The following ANK3 variants were observed in gnomAD, a reference collection of about 807,000 sequenced individuals.
ANK3 encodes the protein ankyrin 3, also known as ankyrin-3.
ANK3 carries 57 observed loss-of-function variants against 370.9 expected under a neutral mutation model. That is an observed-to-expected ratio of 0.15 (90% CI 0.12 to 0.19). ANK3 has a LOEUF of 0.19. ANK3 is among the 10% of genes least tolerant of loss of function. The pLI, the probability that ANK3 is intolerant of heterozygous loss-of-function variation, is 1.00. For synonymous variants in ANK3, 1,929 were observed against 1,946.3 expected, an observed-to-expected ratio of 0.99 and a Z score of 0.23; for missense variants, 4,439 against 5,302.1, an observed-to-expected ratio of 0.84 and a Z score of 5.06.
rs117006554 is a variant in ANK3 at position 60,193,212 on chromosome 10, G to A, written c.1887+2933C>T. Among the ~76,000 whole-genome samples the A allele has an allele frequency of 1.0e-3, 156 of 152,308 alleles. No individual in the cohort carries two copies. In the East Asian group the frequency reaches 0.02, roughly 19 times the overall value. ...TATAAAAATATGCCTGAGGCTAATG[G>A]AATGTTATAAAGAATTATTTAAAGG... On this transcript the variant is annotated intron_variant, in intron 16 of 43. Transcript: ENST00000280772.
At chr10:60,084,495 A>G in intron 32 of ANK3, 107 bp downstream of exon 32, 1 of 688,308 alleles carries the variant, frequency 1.5e-6, no homozygotes, top group Non-Finnish European at 2.3e-6. Context: ...TAAAAGTAAA[A>G]TCAATAATGC....
intron 1 of ANK3, among the ~76,000 whole-genome samples, chr10:60,642,995 C>T (rs2078657354): frequency 6.6e-6 from 1 of 152,106 alleles, no homozygotes; most frequent in Non-Finnish European, 1.5e-5. Context: ...GCATTATTTT[C>T]ACTCTTATAT....
chr10:60,104,778 G>A (rs2132082173), intron 28 of ANK3, among the ~76,000 whole-genome samples: 1 of 152,150 alleles, frequency 6.6e-6, no homozygotes, highest in South Asian at 2.1e-4. Flanking sequence ...CAAATATAAT[G>A]GTGATAATAA....
intron 2 of ANK3, among the ~76,000 whole-genome samples, chr10:60,513,204 G>A (rs11598780): frequency 6.6e-6 from 1 of 152,080 alleles, no homozygotes; most frequent in Non-Finnish European, 1.5e-5. Context: ...TTGATCCATA[G>A]GTTATGTTCA....
rs36033791 is a variant in ANK3 at position 60,141,561 on chromosome 10, G to GTT, written c.2615-2476_2615-2475dup. Reference sequence around the variant, plus strand: ...CACTGGAGAGGCCATTTCAATTGCTGTTTTTTTTTTTTTTTTTTTTTTTTT... The same window carrying GTT: ...CACTGGAGAGGCCATTTCAATTGCTGTTTTTTTTTTTTTTTTTTTTTTTTTTT... On this transcript the variant is annotated intron_variant, in intron 23 of 43. Coordinates refer to ENST00000280772, the MANE Select transcript of ANK3 (RefSeq NM_020987.5). 8.3e-3 allele frequency among the ~76,000 whole-genome samples: 407 copies of GTT among 48,886 alleles called. 18 individuals are homozygous for GTT. The highest frequency in any genetic ancestry group is 0.067 in the East Asian group (112 of 1,662). The allele number at this position is 48,886 out of a possible 152,430, so 32.1% of individuals were successfully genotyped here.
At chr10:60,282,327 T>C (rs1271458180) in intron 1 of ANK3, among the ~76,000 whole-genome samples, 1 of 152,160 alleles carries the variant, frequency 6.6e-6, no homozygotes, top group Non-Finnish European at 1.5e-5. Context: ...GATTTAATAA[T>C]TCCATACACT....
Position 60,080,550 on chromosome 10 carries a change from A to C in ANK3, c.4419T>G (p.Thr1473=). The change falls in exon 36 of 44, where the codon ACT becomes ACG. Residue 1473 remains threonine (T), a synonymous_variant. Coordinates refer to ENST00000280772, the MANE Select transcript of ANK3 (RefSeq NM_020987.5). The part of the protein sequence containing the change: ...LALRKRYSYL[T]EPGMIERSTG... ...TAGGAAACTCACTCATTCCAGGCTC[A>C]GTCAAGTAGCTGTAGCGCTTACGTA... 6.2e-7 allele frequency: 1 copy of C among 1,612,638 alleles called. No individual in the cohort carries two copies. Among genetic ancestry groups the C allele is most frequent in the African/African-American group, 1.3e-5 (1 of 74,930 alleles).
At chr10:60,306,077 T>C (rs2045000512) in intron 1 of ANK3, among the ~76,000 whole-genome samples, 1 of 152,048 alleles carries the variant, frequency 6.6e-6, no homozygotes, top group Admixed American at 6.6e-5. Flanking sequence ...ATTTCAATGG[T>C]TTTTGGAGTA....
At chr10:60,276,984 C>T (rs1339825902) in intron 4 of ANK3, among the ~76,000 whole-genome samples, 1 of 152,186 alleles carries the variant, frequency 6.6e-6, no homozygotes, top group South Asian at 2.1e-4. Flanking sequence ...AATTTTACAT[C>T]ATTCCTTTCT....
At chr10:60,577,168 G>C (rs1421084965) in intron 2 of ANK3, among the ~76,000 whole-genome samples, 1 of 152,096 alleles carries the variant, frequency 6.6e-6, no homozygotes, top group Non-Finnish European at 1.5e-5. Flanking sequence ...GGAATAGGTG[G>C]CCATTCTTCT....
chr10:60,068,811 C>G lies in ANK3; in HGVS notation c.12070G>C (p.Glu4024Gln), dbSNP rs377041799. 4.3e-6 allele frequency: 7 copies of G among 1,614,210 alleles called. No homozygotes were observed. The highest frequency in any genetic ancestry group is 5.9e-6 in the Non-Finnish European group (7 of 1,180,028). Residue 4024 changes from glutamate (E) to glutamine (Q), a missense_variant, in exon 37 of 44, where the codon GAG (glutamate) becomes CAG (glutamine). Physicochemically the swap from Glu to Gln is conservative, Grantham distance 29 (BLOSUM62 2). Transcript: ENST00000280772. Reference protein sequence around the residue: ...LSEEEKKMQSELSDEEESTSR... With the variant: ...LSEEEKKMQSQLSDEEESTSR... Reference sequence around the variant, plus strand: ...GTACTTTCTTCCTCATCGGACAACTCGGACTGCATCTTTTTTTCTTCTTCA... The same window carrying G: ...GTACTTTCTTCCTCATCGGACAACTGGGACTGCATCTTTTTTTCTTCTTCA...
intron 1 of ANK3, among the ~76,000 whole-genome samples, chr10:60,678,562 AATT>A (rs1408176321): frequency 9.9e-5 from 15 of 152,214 alleles, no homozygotes; most frequent in Non-Finnish European, 1.8e-4. Context: ...ATGCTTCAAA[AATT>A]ATTTACTAGA....
chr10:60,108,573 G>A (rs1350356332), intron 27 of ANK3, among the ~76,000 whole-genome samples: 2 of 151,926 alleles, frequency 1.3e-5, no homozygotes, highest in African/African-American at 4.8e-5. Context: ...GGACCACTGG[G>A]GTTCCGTGCA....
At position 60,072,691 on chromosome 10, in the gene ANK3, A is replaced by C; in HGVS notation, c.8190T>G (p.Ser2730Arg). 1 of 1,613,828 alleles carries C rather than the reference A, an allele frequency of 6.2e-7. No homozygotes were observed. Among genetic ancestry groups the C allele is most frequent in the Non-Finnish European group, 8.5e-7 (1 of 1,179,944 alleles). Reference sequence around the variant, plus strand: ...TTCTGTCTTCTTGAGACATGTCCTTACTTTTTGCGTGTGTGCCTTGTTCAA... The same window carrying C: ...TTCTGTCTTCTTGAGACATGTCCTTCCTTTTTGCGTGTGTGCCTTGTTCAA... ...LKFEQGTHAK[S>R]KDMSQEDRKS... The change falls in exon 37 of 44, where the codon AGT (serine) becomes AGG (arginine). Residue 2730 changes from serine (S) to arginine (R), a missense_variant. By Grantham distance (110) the Ser-to-Arg change is moderately radical. Coordinates refer to ENST00000280772, the MANE Select transcript of ANK3 (RefSeq NM_020987.5).
At chr10:60,241,505 G>C (rs187733523) in intron 7 of ANK3, among the ~76,000 whole-genome samples, 109 of 152,258 alleles carry the variant, frequency 7.2e-4, no homozygotes, top group Non-Finnish European at 1.1e-3. Context: ...GAAGAGACCA[G>C]GGAGGAGGCT....
intron 2 of ANK3, among the ~76,000 whole-genome samples, chr10:60,419,280 G>T (rs569147084): frequency 3.2e-4 from 49 of 152,204 alleles, no homozygotes; most frequent in African/African-American, 1.2e-3. Flanking sequence ...GCTTGGGCAT[G>T]GCACATCACT....
At chr10:60,724,253 G>C (rs1244384883) in intron 1 of ANK3, among the ~76,000 whole-genome samples, 1 of 142,944 alleles carries the variant, frequency 7.0e-6, no homozygotes, top group East Asian at 2.1e-4. Context: ...CTCCTCTAGC[G>C]CCCCCAGAAG....
At chr10:60,363,836 T>C (rs1263500113) in intron 1 of ANK3, among the ~76,000 whole-genome samples, 2 of 152,160 alleles carry the variant, frequency 1.3e-5, no homozygotes, top group Admixed American at 6.5e-5. Flanking sequence ...CATATGCATA[T>C]AATGTCCTTT....
intron 1 of ANK3, among the ~76,000 whole-genome samples, chr10:60,686,426 C>T (rs903593456): frequency 6.6e-6 from 1 of 152,112 alleles, no homozygotes; most frequent in Non-Finnish European, 1.5e-5. Flanking sequence ...TCATCCCTTA[C>T]CCATGCTTGT....
Sources: gnomAD v4.1 joint callset for allele counts (sites outside exome capture counted in the v4.1 genomes callset) on GRCh38, gnomAD v4.1.1 for gene constraint, MANE v1.5 for transcripts, NCBI Gene and HGNC (gene_info 2026-07-23, HGNC 2026-07-21) for gene names.